Variants in FBN3 observed in about 807,000 individuals in gnomAD.
FBN3 encodes fibrillin 3.
In FBN3, 234 loss-of-function variants were observed where a neutral mutation model predicts 330.1. That is an observed-to-expected ratio of 0.71 (90% confidence interval 0.64 to 0.79). FBN3 has a LOEUF of 0.79. FBN3 is among the 30% of genes least tolerant of loss of function. The pLI, the probability that FBN3 is intolerant of heterozygous loss-of-function variation, is 0.00. For missense variants in FBN3, 3,606 were observed against 3,886.9 expected, an observed-to-expected ratio of 0.93 and a Z score of 1.92; for synonymous variants, 1,458 against 1,517.3, an observed-to-expected ratio of 0.96 and a Z score of 0.91.
chr19:8,141,769 A>G lies in FBN3; in HGVS notation c.813T>C (p.His271=). Residue 271 remains histidine, a synonymous_variant, in exon 8 of 64, where the codon CAT becomes CAC. Coordinates refer to ENST00000600128, the MANE Select transcript of FBN3 (RefSeq NM_032447.5). ...GSCVNMVGSF[H]CRCPVGHRLS... ...GCCGGTGTCCAACTGGACAGCGGCA[A>G]TGGAAGGAGCCCACCATGTTGACGC... The G allele has an allele frequency of 4.3e-6, 7 of 1,614,146 alleles. No individual in the cohort carries two copies. The highest frequency in any genetic ancestry group is 1.3e-5 in the African/African-American group (1 of 75,058).
At chr19:8,133,193 C>T in intron 13 of FBN3, 87 bp from the exon 14 acceptor site, 1 of 1,446,106 alleles carries the variant, frequency 6.9e-7, no homozygotes, top group South Asian at 1.4e-5. Flanking sequence ...GCTGACCCCC[C>T]AGGATCCCTC....
At chr19:8,092,944 T>C (rs183732242) in intron 47 of FBN3, among the ~76,000 whole-genome samples, 37 of 152,084 alleles carry the variant, frequency 2.4e-4, no homozygotes, top group Admixed American at 1.0e-3. Flanking sequence ...AAAGACTACA[T>C]ACTGGGTACA....
intron 13 of FBN3, 98 bp from the exon 14 acceptor site, chr19:8,133,204 C>T: frequency 7.1e-7 from 1 of 1,399,506 alleles, no homozygotes; most frequent in South Asian, 1.5e-5. Flanking sequence ...AGGATCCCTC[C>T]CTGGAGTGTG....
Position 8,147,158 on chromosome 19 carries a change from C to T in FBN3, c.196G>A (p.Ala66Thr). 1 of 1,572,584 alleles carries T rather than the reference C, an allele frequency of 6.4e-7. No homozygotes were observed. Among genetic ancestry groups the T allele is most frequent in the Non-Finnish European group, 8.6e-7 (1 of 1,159,960 alleles). Reference sequence around the variant, plus strand: ...GTCCTCCAGCCTGGACAGCAGTAGGCATGGAACCGGGAGCCGCACACATTC... The same window carrying T: ...GTCCTCCAGCCTGGACAGCAGTAGGTATGGAACCGGGAGCCGCACACATTC... ...GPNVCGSRFH[A>T]YCCPGWRTFP... The change falls in exon 3 of 64, where the codon GCC becomes ACC. Residue 66 changes from alanine to threonine, a missense_variant. By Grantham distance (58) the Ala-to-Thr change is moderately conservative. Transcript: ENST00000600128.
chr19:8,102,641 A>G, intron 40 of FBN3, 83 bp downstream of exon 40: 1 of 1,386,448 alleles, frequency 7.2e-7, no homozygotes, highest in Non-Finnish European at 1.0e-6. Context: ...GGATTAATCT[A>G]AGAACCCTAA....
In FBN3 at chr19:8,109,349, C is replaced by A. The variant is rs758172632; in HGVS notation, c.4496G>T (p.Arg1499Leu). 5.6e-6 allele frequency: 9 copies of A among 1,614,200 alleles called. No homozygotes were observed. In the Admixed American group the frequency reaches 1.5e-4, roughly 27 times the overall value. ...AGNCFLETHDRGDSGISCSAE... is the reference protein window; with the variant it reads ...AGNCFLETHDLGDSGISCSAE... ...ACTGCAGGAAATGCCACTGTCCCCT[C>A]GGTCATGCGTCTCCAGGAAACAGTT... The change falls in exon 36 of 64, where the codon CGA becomes CTA. Residue 1499 changes from arginine (R) to leucine (L), a missense_variant. Physicochemically the swap from Arg to Leu is moderately radical, Grantham distance 102 (BLOSUM62 -2). Transcript: ENST00000600128. The surrounding 1 kb of genome is among the most constrained non-coding windows in gnomAD (Gnocchi z 5.2).
rs1221021752 is a variant in FBN3 at position 8,126,138 on chromosome 19, G to C, written c.2606-121C>G. The C allele has an allele frequency of 3.4e-6, 5 of 1,488,320 alleles. No individual in the cohort carries two copies. In the East Asian group the frequency reaches 9.3e-5, roughly 28 times the overall value. 92.2% of individuals were successfully genotyped at this position (1,488,320 alleles called of 1,614,324 possible). On this transcript the variant is annotated intron_variant, in intron 21 of 63. Transcript: ENST00000600128. ...GAAGGGGACGGGGACACGGGGACTGGGGACTTTCAAGAAGGCCTGGGGACC... is the reference window on the plus strand; with the variant it reads ...GAAGGGGACGGGGACACGGGGACTGCGGACTTTCAAGAAGGCCTGGGGACC...
At position 8,131,777 on chromosome 19, in the gene FBN3, G is replaced by A. The variant is rs1568442655; in HGVS notation, c.1767C>T (p.Asn589=). 2 of 1,612,210 alleles carry A rather than the reference G, an allele frequency of 1.2e-6. No homozygotes were observed. The highest frequency in any genetic ancestry group is 8.5e-7 in the Non-Finnish European group (1 of 1,178,846). The change falls in exon 15 of 64, where the codon AAC becomes AAT. Residue 589 remains asparagine (N), a synonymous_variant. Coordinates refer to ENST00000600128, the MANE Select transcript of FBN3 (RefSeq NM_032447.5). The surrounding 1 kb of genome is among the most constrained non-coding windows in gnomAD (Gnocchi z 4.5). ...ACTGGCAGCGGAAGGAGCCCTCGGTGTTGGTACAGTGGCCGTTCACGCAGA... is the reference window on the plus strand; with the variant it reads ...ACTGGCAGCGGAAGGAGCCCTCGGTATTGGTACAGTGGCCGTTCACGCAGA... ...PGICVNGHCT[N]TEGSFRCQCL... is the part of the protein sequence containing the mutation.
intron 56 of FBN3, among the ~76,000 whole-genome samples, chr19:8,084,385 C>T (rs1051235779): frequency 6.6e-6 from 1 of 151,890 alleles, no homozygotes; most frequent in Non-Finnish European, 1.5e-5. Flanking sequence ...AAAGAACACA[C>T]ACTGGGCCGG....
Position 8,131,693 on chromosome 19 carries a change from G to A in FBN3, c.1851C>T (p.Arg617=). 6.2e-7 allele frequency: 1 copy of A among 1,614,156 alleles called. No homozygotes were observed. Among genetic ancestry groups the A allele is most frequent in the Non-Finnish European group, 8.5e-7 (1 of 1,180,030 alleles). The change falls in exon 15 of 64, where the codon CGC becomes CGT. Residue 617 remains arginine, a synonymous_variant. Coordinates refer to ENST00000600128, the MANE Select transcript of FBN3 (RefSeq NM_032447.5). This position sits in a 1 kb window ranked among gnomAD's most constrained non-coding sequence, Gnocchi z 4.5. The stretch of plus-strand genomic sequence containing the variant: ...TCTCGATGGCCCCATAGCAGGTGCT[G>A]CGCACGTGGGTGTCCACGCACACGC... ...DGRVCVDTHV[R]STCYGAIEKG...
At chr19:8,117,626 C>A in intron 26 of FBN3, 37 bp from the exon 27 acceptor site, 2 of 1,496,070 alleles carry the variant, frequency 1.3e-6, no homozygotes, top group Non-Finnish European at 9.0e-7. Flanking sequence ...GGCCTGTGCC[C>A]CATCTGCCGT....
At chr19:8,107,091 T>C (rs2082456072) in intron 37 of FBN3, among the ~76,000 whole-genome samples, 1 of 147,020 alleles carries the variant, frequency 6.8e-6, no homozygotes, top group Non-Finnish European at 1.5e-5. Flanking sequence ...AATGGGTGGA[T>C]GGGGCATGGT....
chr19:8,085,434 C>G lies in FBN3; in HGVS notation c.7016G>C (p.Cys2339Ser). The G allele has an allele frequency of 3.8e-6, 6 of 1,578,560 alleles. No homozygotes were observed. Among genetic ancestry groups the G allele is most frequent in the Non-Finnish European group, 4.3e-6 (5 of 1,163,864 alleles). The change falls in exon 56 of 64, where the codon TGT becomes TCT. Residue 2339 changes from cysteine to serine, a missense_variant. Physicochemically the swap from Cys to Ser is moderately radical, Grantham distance 112 (BLOSUM62 -1). Transcript: ENST00000600128. ...GRGWGPRCELCPLPGTSAYRK... is the reference protein window; with the variant it reads ...GRGWGPRCELSPLPGTSAYRK... ...GTAGGCAGAGGTGCCGGGCAGGGGA[C>G]AGAGCTCGCAGCGGGGCCCCCAGCC...
intron 21 of FBN3, 125 bp from the exon 22 acceptor site, chr19:8,126,142 C>T (rs1762032069): frequency 1.4e-6 from 2 of 1,476,444 alleles, no homozygotes; most frequent in Admixed American, 2.0e-5. Context: ...GGACTGGGGA[C>T]TTTCAAGAAG....
chr19:8,131,568 G>C lies in FBN3; in HGVS notation c.1976C>G (p.Pro659Arg). ...HGFGEPCQLC[P>R]AKDSAEFQAL... ...CGGATGCTCACCGGAGTCTTTGGCAGGACAAAGCTGGCAGGGCTCCCCAAA... is the reference window on the plus strand; with the variant it reads ...CGGATGCTCACCGGAGTCTTTGGCACGACAAAGCTGGCAGGGCTCCCCAAA... Residue 659 changes from proline (P) to arginine (R), a missense_variant, in exon 15 of 64, where the codon CCT (proline) becomes CGT (arginine). Coordinates refer to ENST00000600128, the MANE Select transcript of FBN3 (RefSeq NM_032447.5). The surrounding 1 kb of genome is among the most constrained non-coding windows in gnomAD (Gnocchi z 4.5). The C allele has an allele frequency of 6.2e-7, 1 of 1,609,434 alleles. No individual in the cohort carries two copies. The highest frequency in any genetic ancestry group is 8.5e-7 in the Non-Finnish European group (1 of 1,176,798).
rs4804270 is a variant in FBN3 at position 8,129,479 on chromosome 19, T to G, written c.2045-114A>C. Reference sequence around the variant, plus strand: ...CTAGAAGTCAGATTCCCCAAGGCCATAGCTCCAGCCCAGACCCGGCCTCAT... The same window carrying G: ...CTAGAAGTCAGATTCCCCAAGGCCAGAGCTCCAGCCCAGACCCGGCCTCAT... On this transcript the variant is annotated intron_variant, in intron 16 of 63. Transcript: ENST00000600128. The surrounding 1 kb of genome is among the most constrained non-coding windows in gnomAD (Gnocchi z 4.5). The G allele has an allele frequency of 0.99, 1,397,043 of 1,405,890 alleles. 694,326 individuals carry two copies. The highest frequency in any genetic ancestry group is 1 in the Non-Finnish European group (1,026,925 of 1,027,762). The allele number at this position is 1,405,890 out of a possible 1,614,324, so 87.1% of individuals were successfully genotyped here.
chr19:8,089,525 G>A lies in FBN3; in HGVS notation c.6376+20C>T, dbSNP rs116118704. 2.8e-3 allele frequency: 4,565 copies of A among 1,613,654 alleles called. 79 individuals are homozygous for A. In the African/African-American group the frequency reaches 0.043, roughly 15 times the overall value. ...CTGGGAGGGGCCTGGGACAGAGCTG[G>A]GGAAGGGCTGGCCACTCACCCACAC... On this transcript the variant is annotated intron_variant, in intron 51 of 63. Transcript: ENST00000600128.
At position 8,136,024 on chromosome 19, in the gene FBN3, C is replaced by T. The variant is rs762468728; in HGVS notation, c.1528G>A (p.Gly510Ser). The T allele has an allele frequency of 8.7e-6, 14 of 1,603,426 alleles. No homozygotes were observed. In the Admixed American group the frequency reaches 2.2e-4, roughly 25 times the overall value. ...GCATTGCAGACACACTGGAAGCTGC[C>T]CTCTGTGTTGACACAGCGGCCCAGG... ...CHLGRCVNTE[G>S]SFQCVCNAGF... Residue 510 changes from glycine to serine, a missense_variant, in exon 13 of 64, where the codon GGC becomes AGC. Gly to Ser is a moderately conservative substitution (Grantham distance 56, BLOSUM62 0). Transcript: ENST00000600128.
chr19:8,144,619 T>C (rs1174828754), intron 6 of FBN3, among the ~76,000 whole-genome samples: 1 of 151,708 alleles, frequency 6.6e-6, no homozygotes, highest in Non-Finnish European at 1.5e-5. Context: ...TTGCAGTTTC[T>C]TCTCCCTGCC....
Sources: gnomAD v4.1 joint callset for allele counts (sites outside exome capture counted in the v4.1 genomes callset) on GRCh38, gnomAD v4.1.1 for gene constraint, Gnocchi (gnomAD v3.1) non-coding constraint, MANE v1.5 for transcripts, NCBI Gene and HGNC (gene_info 2026-07-23, HGNC 2026-07-21) for gene names.